WWOX: variants seen among roughly 807,000 people sequenced by gnomAD.
The protein encoded by WWOX is WW domain-containing oxidoreductase.
Under a neutral mutation model 46.2 loss-of-function variants are expected in WWOX, and 69 were observed. The ratio of observed to expected loss-of-function variants is 1.49; its 90% CI spans 1.23 to 1.82. The LOEUF (loss-of-function observed/expected upper bound fraction) is 1.82, where lower values mean the gene tolerates loss of function less well. Ranked by LOEUF, WWOX falls within the 40% of genes most tolerant of loss-of-function variation. WWOX has a pLI of 0.00. For synonymous variants in WWOX, 359 were observed against 202.6 expected, an observed-to-expected ratio of 1.77 and a Z score of -6.56; for missense variants, 919 against 542.6, an observed-to-expected ratio of 1.69 and a Z score of -6.89.
intron 5 of WWOX, among the ~76,000 whole-genome samples, chr16:78,320,118 C>T (rs569723750): frequency 1.8e-4 from 28 of 152,284 alleles, no homozygotes; most frequent in African/African-American, 6.5e-4. Flanking sequence ...AAAAACTTAG[C>T]TTTACTCAAT....
At chr16:78,293,015 GCTCTT>G (rs1174813811) in intron 5 of WWOX, among the ~76,000 whole-genome samples, 1 of 152,152 alleles carries the variant, frequency 6.6e-6, no homozygotes, top group African/African-American at 2.4e-5. Context: ...TTGGTCCTTT[GCTCTT>G]GGAGCATTCT....
chr16:78,472,757 C>T (rs998092655), intron 8 of WWOX, among the ~76,000 whole-genome samples: 6 of 137,264 alleles, frequency 4.4e-5, no homozygotes, highest in African/African-American at 8.2e-5. Context: ...TGCAGTGAGC[C>T]GAGATCTTGC....
chr16:78,884,849 C>G (rs948329240), intron 8 of WWOX, among the ~76,000 whole-genome samples: 5 of 152,158 alleles, frequency 3.3e-5, no homozygotes, highest in East Asian at 1.9e-4. Flanking sequence ...AAAATCATAT[C>G]TGACAGTTGT....
intron 8 of WWOX, among the ~76,000 whole-genome samples, chr16:78,448,860 G>A (rs898367793): frequency 1.3e-5 from 2 of 152,084 alleles, no homozygotes; most frequent in Non-Finnish European, 2.9e-5. Context: ...TCTTGGCGCT[G>A]GTGAGGGGGC....
chr16:78,822,895 A>T (rs914573328), intron 8 of WWOX, among the ~76,000 whole-genome samples: 3 of 152,136 alleles, frequency 2.0e-5, no homozygotes, highest in Non-Finnish European at 2.9e-5. Flanking sequence ...AGCAAGAAAC[A>T]TCATAAAGGG....
At chr16:78,593,712 C>G (rs576610318) in intron 8 of WWOX, among the ~76,000 whole-genome samples, 18 of 140,480 alleles carry the variant, frequency 1.3e-4, no homozygotes, top group Admixed American at 2.2e-4. Flanking sequence ...CAGAGGAAAA[C>G]TGCCTGTTGT....
At chr16:78,419,647 A>G (rs1177015312) in intron 6 of WWOX, among the ~76,000 whole-genome samples, 2 of 150,298 alleles carry the variant, frequency 1.3e-5, no homozygotes, top group Non-Finnish European at 3.0e-5. Flanking sequence ...AAAAAAAAAA[A>G]AAAGGGTCAG....
intron 5 of WWOX, among the ~76,000 whole-genome samples, chr16:78,372,084 G>C (rs1259329347): frequency 6.6e-6 from 1 of 152,172 alleles, no homozygotes; most frequent in Non-Finnish European, 1.5e-5. Flanking sequence ...TTGTGAAGGA[G>C]ACTGGGCAAT....
chr16:78,833,955 C>T lies in WWOX; in HGVS notation c.1057-377653C>T, dbSNP rs137910934. The stretch of plus-strand genomic sequence containing the variant: ...GACTGTGTCTTATTCTGTGTTGCAT[C>T]CCTTTGGCTTCAGCCTCATTGTCTT... On this transcript the variant is annotated intron_variant, in intron 8 of 8. Coordinates refer to ENST00000566780, the MANE Select transcript of WWOX (RefSeq NM_016373.4). Among the ~76,000 whole-genome samples the T allele has an allele frequency of 5.9e-5, 9 of 152,354 alleles. No individual in the cohort carries two copies. In the East Asian group the frequency reaches 1.7e-3, roughly 29 times the overall value.
At chr16:78,606,878 A>G (rs528274593) in intron 8 of WWOX, among the ~76,000 whole-genome samples, 1 of 152,186 alleles carries the variant, frequency 6.6e-6, no homozygotes, top group East Asian at 1.9e-4. Context: ...TTGAGTGGGC[A>G]GGGATTGTTG....
At chr16:78,602,907 C>G (rs556969630) in intron 8 of WWOX, among the ~76,000 whole-genome samples, 3 of 152,280 alleles carry the variant, frequency 2.0e-5, no homozygotes, top group East Asian at 3.9e-4. Flanking sequence ...GCTCTGTCTT[C>G]TGCATACACT....
intron 8 of WWOX, among the ~76,000 whole-genome samples, chr16:78,602,156 A>G (rs1250553390): frequency 6.6e-6 from 1 of 152,234 alleles, no homozygotes; most frequent in Non-Finnish European, 1.5e-5. Context: ...TAGTCAGAGC[A>G]TAGAGGACTG....
chr16:78,728,875 T>A (rs1463674523), intron 8 of WWOX, among the ~76,000 whole-genome samples: 1 of 152,114 alleles, frequency 6.6e-6, no homozygotes, highest in African/African-American at 2.4e-5. Context: ...TACATGGAGG[T>A]CACAAGAATA....
At chr16:78,419,089 C>G in intron 6 of WWOX, among the ~76,000 whole-genome samples, 1 of 152,088 alleles carries the variant, frequency 6.6e-6, no homozygotes, top group East Asian at 1.9e-4. Flanking sequence ...TGAACAGGTT[C>G]AGCCAGGATA....
At chr16:79,131,928 C>T (rs1255706709) in intron 8 of WWOX, among the ~76,000 whole-genome samples, 3 of 152,086 alleles carry the variant, frequency 2.0e-5, no homozygotes, top group African/African-American at 7.2e-5. Context: ...TTCAGGGAAA[C>T]CCCTGTTTTT....
chr16:78,859,033 T>TAC (rs2052649287), intron 8 of WWOX, among the ~76,000 whole-genome samples: 1 of 21,084 alleles, frequency 4.7e-5, no homozygotes, highest in African/African-American at 1.2e-4. Context: ...AAAAAATATA[T>TAC]ATATATATAT....
intron 7 of WWOX, among the ~76,000 whole-genome samples, chr16:78,425,417 A>C (rs1388832039): frequency 6.6e-6 from 1 of 152,208 alleles, no homozygotes; most frequent in Non-Finnish European, 1.5e-5. Context: ...TAGCAGGAGA[A>C]ACAATGCAAT....
chr16:78,616,151 T>C (rs1212575347), intron 8 of WWOX, among the ~76,000 whole-genome samples: 1 of 152,096 alleles, frequency 6.6e-6, no homozygotes, highest in Non-Finnish European at 1.5e-5. Flanking sequence ...TTGGTAGCAA[T>C]TGTCTTCGGC....
At chr16:79,119,287 C>A (rs1022824018) in intron 8 of WWOX, among the ~76,000 whole-genome samples, 1 of 151,944 alleles carries the variant, frequency 6.6e-6, no homozygotes, top group African/African-American at 2.4e-5. Flanking sequence ...AGAAACACAG[C>A]GGAAATTCAA....
Sources: allele counts gnomAD v4.1 joint callset (sites outside exome capture counted in the v4.1 genomes callset), GRCh38; gene constraint gnomAD v4.1.1; transcripts MANE v1.5; gene names NCBI Gene and HGNC (gene_info 2026-07-23, HGNC 2026-07-21).